The following BCL9L variants were observed in gnomAD, a reference collection of about 807,000 sequenced individuals.
BCL9L encodes B-cell CLL/lymphoma 9-like protein.
In BCL9L, 19 loss-of-function variants were observed where a neutral mutation model predicts 99.4. The ratio of observed to expected loss-of-function variants is 0.19; its 90% CI spans 0.13 to 0.28. The LOEUF is 0.28. Ranked by LOEUF, BCL9L falls within the 10% of genes least tolerant of loss-of-function variation. The probability of loss-of-function intolerance (pLI) is 1.00; values close to 1 mark genes in which losing one functional copy is unlikely to be tolerated. For missense variants in BCL9L, 2,023 were observed against 2,101.6 expected (o/e 0.96, Z 0.73); for synonymous variants, 900 against 854.8 (o/e 1.05, Z -0.92).
In BCL9L at chr11:118,902,233, T is replaced by G. The variant is rs1255021445; in HGVS notation, c.1510A>C (p.Met504Leu). The part of the protein sequence containing the change: ...GGDMGQQMNM[M>L]IQRLGQDSLT... ...CTGTCCTGGCCCAGCCTCTGTATCATCATGTTCATCTGCTGCCCCATGTCC... is the reference window on the plus strand; with the variant it reads ...CTGTCCTGGCCCAGCCTCTGTATCAGCATGTTCATCTGCTGCCCCATGTCC... The change falls in exon 8 of 10, where the codon ATG (methionine) becomes CTG (leucine). Residue 504 changes from methionine (M) to leucine (L), a missense_variant. Around this residue, in one of 3 missense-constraint regions of BCL9L, gnomAD observed 1,116 missense variants for 1,194.6 expected, o/e 0.93. Coordinates refer to ENST00000683865, the MANE Select transcript of BCL9L (RefSeq NM_001378213.1). This position sits in a 1 kb window ranked among gnomAD's most constrained non-coding sequence, Gnocchi z 7.8. 1 of 1,611,930 alleles carries G rather than the reference T, an allele frequency of 6.2e-7. No homozygotes were observed. The highest frequency in any genetic ancestry group is 8.5e-7 in the Non-Finnish European group (1 of 1,178,560).
chr11:118,897,983 G>A lies in BCL9L; in HGVS notation c.*432C>T. Reference sequence around the variant, plus strand: ...GTGCGGAGAAACCAAGAGGGAGGTGGAGCTCCAGCAATGCGGACACGAGGA... The same window carrying A: ...GTGCGGAGAAACCAAGAGGGAGGTGAAGCTCCAGCAATGCGGACACGAGGA... On this transcript the variant is annotated 3_prime_UTR_variant, in exon 10 of 10. Transcript: ENST00000683865. 2.4e-6 allele frequency: 1 copy of A among 424,866 alleles called. No homozygotes were observed. 26.3% of individuals were successfully genotyped at this position (424,866 alleles called of 1,614,324 possible).
In BCL9L at chr11:118,902,420, C is replaced by T. The variant is rs1217579386; in HGVS notation, c.1323G>A (p.Gly441=). ...GAGGGGGGGCTTGTGCTGGTGGGCC[C>T]CCCTCACCCGCTCCTCCTGGGGGCC... ...LKGPPGGAGE[G]GPPAQAPPPP... The change falls in exon 8 of 10, where the codon GGG becomes GGA. Residue 441 remains glycine, a synonymous_variant. Transcript: ENST00000683865. This position sits in a 1 kb window ranked among gnomAD's most constrained non-coding sequence, Gnocchi z 7.8. 6.3e-7 allele frequency: 1 copy of T among 1,582,430 alleles called. No individual in the cohort carries two copies. The highest frequency in any genetic ancestry group is 1.8e-5 in the Admixed American group (1 of 56,032).
Position 118,898,021 on chromosome 11 carries a change from A to G in BCL9L, c.*394T>C. ...GCGGACACGAGGAGACAGGAGCAGA[A>G]GGGGCTGGGGGAGACCTGACCTGTC... On this transcript the variant is annotated 3_prime_UTR_variant, in exon 10 of 10. Coordinates refer to ENST00000683865, the MANE Select transcript of BCL9L (RefSeq NM_001378213.1). 2.4e-6 allele frequency: 1 copy of G among 414,724 alleles called. No individual in the cohort carries two copies. The highest frequency in any genetic ancestry group is 4.6e-6 in the Non-Finnish European group (1 of 216,206). The allele number at this position is 414,724 out of a possible 1,614,324, so 25.7% of individuals were successfully genotyped here. A position where few individuals can be genotyped will look rare whatever the true frequency, so the allele number is the denominator to read the frequency against.
chr11:118,914,323 T>C lies in BCL9L; in HGVS notation c.-76-4308A>G, dbSNP rs958794679. On this transcript the variant is annotated intron_variant, in intron 2 of 9. Coordinates refer to ENST00000683865, the MANE Select transcript of BCL9L (RefSeq NM_001378213.1). This position sits in a 1 kb window ranked among gnomAD's most constrained non-coding sequence, Gnocchi z 4.4. Reference sequence around the variant, plus strand: ...GAACAATGGGGCCATTGTGGGAGGATGGAGTGCAGCAGACTGCTGGCACAG... The same window carrying C: ...GAACAATGGGGCCATTGTGGGAGGACGGAGTGCAGCAGACTGCTGGCACAG... 6.6e-6 allele frequency among the ~76,000 whole-genome samples: 1 copy of C among 152,110 alleles called. No individual in the cohort carries two copies. The highest frequency in any genetic ancestry group is 2.4e-5 in the African/African-American group (1 of 41,420).
In BCL9L at chr11:118,908,357, C is replaced by T; in HGVS notation, c.325G>A (p.Gly109Ser). The T allele has an allele frequency of 6.2e-7, 1 of 1,613,346 alleles. No individual in the cohort carries two copies. Among genetic ancestry groups the T allele is most frequent in the Non-Finnish European group, 8.5e-7 (1 of 1,179,552 alleles). ...ACACTCCGGTCCCTCTTCACCTTGCCCTTGAGCGAGCTGAAAGGGGGCACC... is the reference window on the plus strand; with the variant it reads ...ACACTCCGGTCCCTCTTCACCTTGCTCTTGAGCGAGCTGAAAGGGGGCACC... ...AGVPPFSSLK[G>S]KVKRDRSVSV... is the part of the protein sequence containing the mutation. The change falls in exon 4 of 10, where the codon GGC becomes AGC. Residue 109 changes from glycine (G) to serine (S), a missense_variant. Coordinates refer to ENST00000683865, the MANE Select transcript of BCL9L (RefSeq NM_001378213.1).
At chr11:118,923,176 C>A (rs999317381) in intron 1 of BCL9L, among the ~76,000 whole-genome samples, 1 of 152,138 alleles carries the variant, frequency 6.6e-6, no homozygotes, top group East Asian at 1.9e-4. Context: ...CACTCCTGGG[C>A]TCCATGGAGC....
At chr11:118,905,491 AGAGT>A (rs1258565649) in intron 5 of BCL9L, among the ~76,000 whole-genome samples, 7 of 145,000 alleles carry the variant, frequency 4.8e-5, no homozygotes, top group Non-Finnish European at 1.1e-4. Context: ...CCTGGGCAAC[AGAGT>A]GAGTGAGACT....
In BCL9L at chr11:118,900,199, C is replaced by T. The variant is rs1448576603; in HGVS notation, c.3125-1G>A. ...CGGGGGCCGCTAGGCGGGAGGGTAC[C>T]TACAGAAACGGGGAGACAAAGAGAG... On this transcript the variant is annotated splice_acceptor_variant, in intron 8 of 9. Coordinates refer to ENST00000683865, the MANE Select transcript of BCL9L (RefSeq NM_001378213.1). LOFTEE classifies it high-confidence loss of function. This position sits in a 1 kb window ranked among gnomAD's most constrained non-coding sequence, Gnocchi z 5.3. The T allele has an allele frequency of 6.3e-7, 1 of 1,589,318 alleles. No individual in the cohort carries two copies. The highest frequency in any genetic ancestry group is 8.6e-7 in the Non-Finnish European group (1 of 1,165,012).
chr11:118,909,025 T>C (rs976133824), intron 3 of BCL9L, among the ~76,000 whole-genome samples: 1 of 152,188 alleles, frequency 6.6e-6, no homozygotes, highest in African/African-American at 2.4e-5. Context: ...TCTTCTAAGA[T>C]CTGCTGTCTT....
At chr11:118,907,734 T>C in intron 4 of BCL9L, 132 bp from the exon 5 acceptor site, 1 of 1,399,868 alleles carries the variant, frequency 7.1e-7, no homozygotes, top group African/African-American at 1.4e-5. Flanking sequence ...TGGTGGGCAC[T>C]TCGCCAGCCC....
In BCL9L at chr11:118,922,856, A is replaced by G. The variant is rs1941179907; in HGVS notation, c.-131+2382T>C. Among the ~76,000 whole-genome samples, 1 of 152,140 alleles carries G rather than the reference A, an allele frequency of 6.6e-6. No individual in the cohort carries two copies. Among genetic ancestry groups the G allele is most frequent in the Admixed American group, 6.5e-5 (1 of 15,294 alleles). On this transcript the variant is annotated intron_variant, in intron 1 of 9. Transcript: ENST00000683865. The surrounding 1 kb of genome is among the most constrained non-coding windows in gnomAD (Gnocchi z 6.2). ...CAGCCAGCATGGCAGCAGGACCACA[A>G]GAACCCCAAAGGACTTCCCAGGCAC...
chr11:118,898,977 A>G lies in BCL9L; in HGVS notation c.3938T>C (p.Val1313Ala). Residue 1313 changes from valine (V) to alanine (A), a missense_variant, in exon 10 of 10, where the codon GTG (valine) becomes GCG (alanine). By Grantham distance (64) the Val-to-Ala change is moderately conservative (BLOSUM62 0). Around this residue, in one of 3 missense-constraint regions of BCL9L, gnomAD observed 902 missense variants for 888.2 expected, o/e 1.02. Coordinates refer to ENST00000683865, the MANE Select transcript of BCL9L (RefSeq NM_001378213.1). Reference sequence around the variant, plus strand: ...GATCCCCGTTGGGGTGGGCCGGATCACCTCGCTCAGCTCGGGGTCGTTCAG... The same window carrying G: ...GATCCCCGTTGGGGTGGGCCGGATCGCCTCGCTCAGCTCGGGGTCGTTCAG... ...SVLNDPELSEVIRPTPTGIPE... is the reference protein window; with the variant it reads ...SVLNDPELSEAIRPTPTGIPE... 6.2e-7 allele frequency: 1 copy of G among 1,613,288 alleles called. No homozygotes were observed. The highest frequency in any genetic ancestry group is 8.5e-7 in the Non-Finnish European group (1 of 1,179,564).
chr11:118,901,368 T>G lies in BCL9L; in HGVS notation c.2375A>C (p.Gln792Pro), dbSNP rs760493641. The change falls in exon 8 of 10, where the codon CAG becomes CCG. Residue 792 changes from glutamine to proline, a missense_variant. Around this residue, in one of 3 missense-constraint regions of BCL9L, gnomAD observed 1,116 missense variants for 1,194.6 expected, o/e 0.93. Transcript: ENST00000683865. The surrounding 1 kb of genome is among the most constrained non-coding windows in gnomAD (Gnocchi z 6.6). ...MNLNVQMTPQ[Q>P]QMLMSQKMRG... The stretch of plus-strand genomic sequence containing the variant: ...CATCTTCTGCGACATCAGCATCTGC[T>G]GCTGCGGGGTCATCTGCACGTTCAG... 1.9e-6 allele frequency: 3 copies of G among 1,613,924 alleles called. No individual in the cohort carries two copies. The South Asian group carries it at 3.3e-5, about 18-fold the overall frequency.
At chr11:118,920,660 A>T (rs1307600572) in intron 1 of BCL9L, among the ~76,000 whole-genome samples, 1 of 152,128 alleles carries the variant, frequency 6.6e-6, no homozygotes, top group Non-Finnish European at 1.5e-5. Context: ...TCTCTGTAAC[A>T]ACCACCACTG....
rs750673782 is a variant in BCL9L at position 118,900,801 on chromosome 11, G to A, written c.2942C>T (p.Ser981Phe). Residue 981 changes from serine to phenylalanine, a missense_variant, in exon 8 of 10, where the codon TCC becomes TTC. Physicochemically the swap from Ser to Phe is radical, Grantham distance 155. Transcript: ENST00000683865. This position sits in a 1 kb window ranked among gnomAD's most constrained non-coding sequence, Gnocchi z 5.3. ...AGTGGGTGAACGGACACTGAGGGAG[G>A]AGCCGAGGACCTGGGGCGACTTGAG... ...GPLKSPQVLG[S>F]SLSVRSPTGS... The A allele has an allele frequency of 1.9e-6, 3 of 1,613,946 alleles. No individual in the cohort carries two copies. The highest frequency in any genetic ancestry group is 2.2e-5 in the East Asian group (1 of 44,868).
At chr11:118,915,754 G>A (rs1286873854) in intron 2 of BCL9L, among the ~76,000 whole-genome samples, 1 of 152,208 alleles carries the variant, frequency 6.6e-6, no homozygotes, top group African/African-American at 2.4e-5. Flanking sequence ...CTGGGAGAAA[G>A]CTTAAGCCTA....
intron 2 of BCL9L, among the ~76,000 whole-genome samples, chr11:118,917,802 C>T (rs1486893570): frequency 6.6e-6 from 1 of 152,178 alleles, no homozygotes; most frequent in Non-Finnish European, 1.5e-5. Context: ...CCGTTACTTC[C>T]TCACCCATCC....
chr11:118,901,110 G>A lies in BCL9L; in HGVS notation c.2633C>T (p.Pro878Leu). ...CCGGGTGGTGCCCACGTTGCTCATG[G>A]GCATTGAGCTCTGATCAGGGCTGAA... is the stretch of plus-strand genomic sequence containing the variant. ...DMFSPDQSSM[P>L]MSNVGTTRLS... The change falls in exon 8 of 10, where the codon CCC (proline) becomes CTC (leucine). Residue 878 changes from proline to leucine, a missense_variant. Pro to Leu is a moderately conservative substitution (Grantham distance 98, BLOSUM62 -3). Transcript: ENST00000683865. This position sits in a 1 kb window ranked among gnomAD's most constrained non-coding sequence, Gnocchi z 6.6. 1 of 1,610,546 alleles carries A rather than the reference G, an allele frequency of 6.2e-7. No individual in the cohort carries two copies. Among genetic ancestry groups the A allele is most frequent in the South Asian group, 1.1e-5 (1 of 90,758 alleles).
At position 118,902,598 on chromosome 11, in the gene BCL9L, T is replaced by C. The variant is rs1940313141; in HGVS notation, c.1145A>G (p.Glu382Gly). 6.3e-7 allele frequency: 1 copy of C among 1,599,800 alleles called. No individual in the cohort carries two copies. The change falls in exon 8 of 10, where the codon GAG (glutamate) becomes GGG (glycine). Residue 382 changes from glutamate (E) to glycine (G), a missense_variant. Physicochemically the swap from Glu to Gly is moderately conservative, Grantham distance 98. Coordinates refer to ENST00000683865, the MANE Select transcript of BCL9L (RefSeq NM_001378213.1). This position sits in a 1 kb window ranked among gnomAD's most constrained non-coding sequence, Gnocchi z 7.8. ...CTGCCCATTTCCAGGGGCGGCTGCC[T>C]CCCCCAGCAGGGCAGGGCCGGGGGC... The part of the protein sequence containing the change: ...SSAPGPALLG[E>G]AAAPGNGQRS...
Sources: gnomAD v4.1 joint callset for allele counts (sites outside exome capture counted in the v4.1 genomes callset) on GRCh38, gnomAD v4.1.1 for gene constraint, gnomAD v4.1.1 regional missense constraint, Gnocchi (gnomAD v3.1) non-coding constraint, MANE v1.5 for transcripts, NCBI Gene and HGNC (gene_info 2026-07-23, HGNC 2026-07-21) for gene names.